The following GRM5 variants were observed in gnomAD, a reference collection of about 807,000 sequenced individuals.
GRM5 encodes the protein metabotropic glutamate receptor 5.
Under a neutral mutation model 83.1 loss-of-function variants are expected in GRM5, and 19 were observed. The observed-to-expected ratio is 0.23, with a 90% CI of 0.16 to 0.34. The LOEUF is 0.34. GRM5 is among the 10% of genes least tolerant of loss of function. The pLI, the probability that GRM5 is intolerant of heterozygous loss-of-function variation, is 1.00. For synonymous variants in GRM5, 675 were observed against 633.6 expected (o/e 1.07, Z -0.98); for missense variants, 1,160 against 1,588.3 (o/e 0.73, Z 4.58).
chr11:88,723,166 C>A (rs1941587408), intron 3 of GRM5, among the ~76,000 whole-genome samples: 1 of 150,570 alleles, frequency 6.6e-6, no homozygotes, highest in Non-Finnish European at 1.5e-5. Flanking sequence ...TTTCTCATAG[C>A]AATATGCTCT....
At chr11:89,005,529 A>G (rs569933365) in intron 2 of GRM5, among the ~76,000 whole-genome samples, 16 of 152,340 alleles carry the variant, frequency 1.1e-4, no homozygotes, top group African/African-American at 3.6e-4. Context: ...TCTACATCGA[A>G]TATCTCTGGA....
At chr11:88,568,518 G>T (rs1942918711) in intron 7 of GRM5, among the ~76,000 whole-genome samples, 2 of 152,152 alleles carry the variant, frequency 1.3e-5, no homozygotes, top group Non-Finnish European at 2.9e-5. Flanking sequence ...AGGCTGGGAG[G>T]TAGGGAGGAA....
chr11:88,753,448 A>G (rs946406422), intron 3 of GRM5, among the ~76,000 whole-genome samples: 2 of 152,186 alleles, frequency 1.3e-5, no homozygotes, highest in African/African-American at 4.8e-5. Context: ...GTCAAAAAAT[A>G]ACAGATGATG....
chr11:88,746,035 C>A (rs1367958659), intron 3 of GRM5, among the ~76,000 whole-genome samples: 2 of 152,112 alleles, frequency 1.3e-5, no homozygotes, highest in Non-Finnish European at 2.9e-5. Context: ...GAGTGACTGG[C>A]ATGTAATAAG....
chr11:88,583,070 A>T (rs994482664), intron 7 of GRM5, among the ~76,000 whole-genome samples: 6 of 152,132 alleles, frequency 3.9e-5, no homozygotes, highest in African/African-American at 1.4e-4. Context: ...AAATGAAAAG[A>T]AATCTTCCCC....
intron 7 of GRM5, among the ~76,000 whole-genome samples, chr11:88,585,957 T>C (rs1049734165): frequency 3.9e-5 from 6 of 152,208 alleles, no homozygotes; most frequent in Non-Finnish European, 8.8e-5. Context: ...TTGGTTTTCA[T>C]ACCAGATTCT....
intron 3 of GRM5, among the ~76,000 whole-genome samples, chr11:88,795,824 C>T (rs923776547): frequency 6.6e-6 from 1 of 152,086 alleles, no homozygotes; most frequent in Non-Finnish European, 1.5e-5. Flanking sequence ...GATCCCTTAG[C>T]CTGAGAAAAC....
At chr11:88,831,360 T>C (rs1384831797) in intron 3 of GRM5, among the ~76,000 whole-genome samples, 1 of 152,162 alleles carries the variant, frequency 6.6e-6, no homozygotes, top group Non-Finnish European at 1.5e-5. Flanking sequence ...CACTTGGGGC[T>C]AAAGATTGAA....
At chr11:89,031,911 C>T (rs1323796270) in intron 2 of GRM5, among the ~76,000 whole-genome samples, 3 of 151,790 alleles carry the variant, frequency 2.0e-5, no homozygotes, top group Non-Finnish European at 4.4e-5. Flanking sequence ...AGAAAGGACT[C>T]GAGAAGTTAC....
At chr11:88,646,811 A>G (rs1437734555) in intron 4 of GRM5, among the ~76,000 whole-genome samples, 12 of 151,694 alleles carry the variant, frequency 7.9e-5, no homozygotes, top group Non-Finnish European at 1.6e-4. Context: ...TGCCTAGGAT[A>G]CTTGCAGGTT....
intron 3 of GRM5, among the ~76,000 whole-genome samples, chr11:88,778,881 A>G (rs1047083151): frequency 9.2e-5 from 14 of 152,198 alleles, no homozygotes; most frequent in African/African-American, 3.4e-4. Context: ...TGAAGTTCAA[A>G]TACATTTTAC....
At chr11:88,884,771 G>C (rs1360404303) in intron 2 of GRM5, among the ~76,000 whole-genome samples, 2 of 152,124 alleles carry the variant, frequency 1.3e-5, no homozygotes, top group Non-Finnish European at 2.9e-5. Flanking sequence ...ATAAAGGGGA[G>C]TTCCCCTGCA....
At chr11:88,953,414 C>A (rs1251003949) in intron 2 of GRM5, among the ~76,000 whole-genome samples, 4 of 152,128 alleles carry the variant, frequency 2.6e-5, no homozygotes. Context: ...ATTTCAACAG[C>A]CTACTTTATC....
intron 4 of GRM5, among the ~76,000 whole-genome samples, chr11:88,635,718 TG>T (rs1939099705): frequency 6.6e-6 from 1 of 152,190 alleles, no homozygotes; most frequent in African/African-American, 2.4e-5. Flanking sequence ...TTGTTTTCAT[TG>T]CTATGCATTT....
chr11:88,750,537 A>G (rs952051411), intron 3 of GRM5, among the ~76,000 whole-genome samples: 6 of 152,146 alleles, frequency 3.9e-5, no homozygotes, highest in Admixed American at 2.0e-4. Flanking sequence ...GGGATAGAAA[A>G]TTAACAAAGA....
chr11:88,724,922 C>A (rs1941639172), intron 3 of GRM5, among the ~76,000 whole-genome samples: 1 of 152,132 alleles, frequency 6.6e-6, no homozygotes, highest in Non-Finnish European at 1.5e-5. Context: ...CCAGAGATTC[C>A]CTCAGGTGCC....
intron 9 of GRM5, among the ~76,000 whole-genome samples, chr11:88,524,629 T>G (rs1197395618): frequency 6.6e-6 from 1 of 152,234 alleles, no homozygotes; most frequent in Non-Finnish European, 1.5e-5. Context: ...TAGGTACAAC[T>G]CAATCAGGAG....
chr11:88,782,170 C>T (rs1942987042), intron 3 of GRM5, among the ~76,000 whole-genome samples: 2 of 151,926 alleles, frequency 1.3e-5, no homozygotes, highest in Admixed American at 1.3e-4. Flanking sequence ...GACAATTCTT[C>T]TAGAAGTAGC....
rs200069801 is a variant in GRM5, at chr11:88,567,894, C to T, written c.1789G>A (p.Val597Ile). Residue 597 changes from valine (V) to isoleucine (I), a missense_variant, in exon 8 of 10, where the codon GTT (valine) becomes ATT (isoleucine). Physicochemically the swap from Val to Ile is conservative, Grantham distance 29. This residue lies in a region of GRM5 where 132 missense variants were observed against 245.5 expected (regional missense o/e 0.54). Transcript: ENST00000305447. The surrounding 1 kb of genome is among the most constrained non-coding windows in gnomAD (Gnocchi z 7.3). ...ACLGLLATLF[V>I]TVVFIIYRDT... is the part of the protein sequence containing the mutation. The stretch of plus-strand genomic sequence containing the variant: ...CGGTAAATGATGAAGACTACAGTAA[C>T]AAACAGGGTGGCCAGGAGGCCAAGG... 1 of 1,613,896 alleles carries T rather than the reference C, an allele frequency of 6.2e-7. No individual in the cohort carries two copies. Among genetic ancestry groups the T allele is most frequent in the Non-Finnish European group, 8.5e-7 (1 of 1,179,814 alleles).
Sources: gnomAD v4.1 joint callset for allele counts (sites outside exome capture counted in the v4.1 genomes callset) on GRCh38, gnomAD v4.1.1 for gene constraint, gnomAD v4.1.1 regional missense constraint, Gnocchi (gnomAD v3.1) non-coding constraint, MANE v1.5 for transcripts, NCBI Gene and HGNC (gene_info 2026-07-23, HGNC 2026-07-21) for gene names.